Variants in KTN1 observed in about 807,000 individuals in gnomAD.
The protein encoded by KTN1 is kinectin.
In KTN1, 130 loss-of-function variants were observed where a neutral mutation model predicts 222.5. That is an observed-to-expected ratio of 0.58 (90% CI 0.51 to 0.68). KTN1 has a LOEUF of 0.68. Ranked by LOEUF, KTN1 falls within the 30% of genes least tolerant of loss-of-function variation. KTN1 has a pLI of 0.00. For missense variants in KTN1, 1,508 were observed against 1,500.4 expected (o/e 1.01, Z -0.08); for synonymous variants, 512 against 496.3 (o/e 1.03, Z -0.42).
Position 55,656,063 on chromosome 14 carries a change from A to G in KTN1, c.2823A>G (p.Glu941=), listed in dbSNP as rs1432922880. The change falls in exon 29 of 44, where the codon GAA becomes GAG. Residue 941 remains glutamate, a synonymous_variant. Coordinates refer to ENST00000395314, the MANE Select transcript of KTN1 (RefSeq NM_001079521.2). ...LEIVLKEKEN[E]LKRLEAMLKE... The stretch of plus-strand genomic sequence containing the variant: ...CTAGGTTGAAAGAAAAGGAAAATGA[A>G]TTGAAGAGGTTAGAAGCCATGCTAA... 2 of 1,605,620 alleles carry G rather than the reference A, an allele frequency of 1.2e-6. No homozygotes were observed. Among genetic ancestry groups the G allele is most frequent in the Admixed American group, 3.4e-5 (2 of 59,288 alleles).
chr14:55,636,072 T>G (rs1051939474), intron 9 of KTN1, among the ~76,000 whole-genome samples: 4 of 152,176 alleles, frequency 2.6e-5, no homozygotes, highest in Admixed American at 2.0e-4. Context: ...CTACTTAGAT[T>G]TAGCAATAAA....
chr14:55,620,789 A>C (rs2039033771), intron 5 of KTN1, among the ~76,000 whole-genome samples: 1 of 152,162 alleles, frequency 6.6e-6, no homozygotes, highest in African/African-American at 2.4e-5. Context: ...CCTTCTGCAA[A>C]GGTCTTTGAC....
At chr14:55,659,757 T>G in intron 31 of KTN1, 54 bp downstream of exon 31, 1 of 1,014,360 alleles carries the variant, frequency 9.9e-7, no homozygotes, top group Non-Finnish European at 1.5e-6. Flanking sequence ...TTTTATGTGG[T>G]AAACCATTCT....
At chr14:55,652,607 G>A (rs191527940) in intron 25 of KTN1, among the ~76,000 whole-genome samples, 1 of 152,102 alleles carries the variant, frequency 6.6e-6, no homozygotes, top group East Asian at 1.9e-4. Context: ...CACCGTGTTA[G>A]CCAGGATGGT....
intron 31 of KTN1, 136 bp downstream of exon 31, chr14:55,659,839 A>G: frequency 1.7e-6 from 1 of 582,814 alleles, no homozygotes; most frequent in East Asian, 2.8e-5. Flanking sequence ...CTTGAATTGC[A>G]GTTTAGAGTT....
intron 1 of KTN1, among the ~76,000 whole-genome samples, chr14:55,599,456 T>C (rs1231024794): frequency 6.6e-6 from 1 of 152,090 alleles, no homozygotes; most frequent in Non-Finnish European, 1.5e-5. Context: ...TTTGTGGCCA[T>C]TGAGCCATTT....
chr14:55,674,296 T>C (rs2141348996), intron 40 of KTN1: 1 of 152,220 alleles, frequency 6.6e-6, no homozygotes, highest in East Asian at 1.9e-4. Context: ...ATGCTTGCTC[T>C]GTATGTGTCC....
intron 33 of KTN1, among the ~76,000 whole-genome samples, chr14:55,665,539 A>G (rs2044634829): frequency 6.6e-6 from 1 of 152,116 alleles, no homozygotes; most frequent in Non-Finnish European, 1.5e-5. Context: ...ACCCAGTGCC[A>G]TAAATTATGT....
chr14:55,619,253 C>T lies in KTN1; in HGVS notation c.904C>T (p.Leu302Phe). The T allele has an allele frequency of 6.2e-7, 1 of 1,612,016 alleles. No individual in the cohort carries two copies. Among genetic ancestry groups the T allele is most frequent in the Non-Finnish European group, 8.5e-7 (1 of 1,178,386 alleles). ...TATGATGTTTTCTGAAGATGAGGCTCTTTGTGTTGTAGACTTGCTAAAGGA... is the reference window on the plus strand; with the variant it reads ...TATGATGTTTTCTGAAGATGAGGCTTTTTGTGTTGTAGACTTGCTAAAGGA... ...KTMMFSEDEA[L>F]CVVDLLKEKS... is the part of the protein sequence containing the mutation. The change falls in exon 5 of 44, where the codon CTT (leucine) becomes TTT (phenylalanine). Residue 302 changes from leucine (L) to phenylalanine (F), a missense_variant. Physicochemically the swap from Leu to Phe is conservative, Grantham distance 22 (BLOSUM62 0). Transcript: ENST00000395314.
intron 28 of KTN1, 108 bp from the exon 29 acceptor site, chr14:55,655,934 A>G (rs970263309): frequency 7.7e-5 from 43 of 561,828 alleles, no homozygotes; most frequent in African/African-American, 6.4e-4. Flanking sequence ...GGGGAAAAAA[A>G]GCTGGTATGT....
intron 1 of KTN1, among the ~76,000 whole-genome samples, chr14:55,588,042 T>C (rs1230900034): frequency 6.6e-6 from 1 of 152,192 alleles, no homozygotes; most frequent in African/African-American, 2.4e-5. Flanking sequence ...TTAGGGGCAC[T>C]AGCACCCTGT....
At chr14:55,582,190 C>T (rs1237113158) in intron 1 of KTN1, among the ~76,000 whole-genome samples, 1 of 152,154 alleles carries the variant, frequency 6.6e-6, no homozygotes, top group Non-Finnish European at 1.5e-5. Context: ...GATTCAGCGT[C>T]AGCATTATGA....
intron 31 of KTN1, 194 bp from the exon 32 acceptor site, chr14:55,661,326 CTT>C (rs2141224124): frequency 4.3e-6 from 2 of 460,952 alleles, no homozygotes; most frequent in Admixed American, 3.8e-5. Flanking sequence ...GGCATAAAAA[CTT>C]ATATTAGAAA....
intron 33 of KTN1, 70 bp downstream of exon 33, chr14:55,664,111 T>C (rs1397565743): frequency 1.0e-6 from 1 of 968,726 alleles, no homozygotes; most frequent in Non-Finnish European, 1.6e-6. Flanking sequence ...AAAATCAGAC[T>C]AAAGCATTTA....
At position 55,684,229 on chromosome 14, in the gene KTN1, T is replaced by C; in HGVS notation, c.*126T>C. On this transcript the variant is annotated 3_prime_UTR_variant, in exon 44 of 44. Coordinates refer to ENST00000395314, the MANE Select transcript of KTN1 (RefSeq NM_001079521.2). ...AAACACTGAACAGAGTTTTGTCTTT[T>C]CTAATCCTTGTTAGACTACTGATTT... 1.4e-6 allele frequency: 1 copy of C among 692,126 alleles called. No homozygotes were observed. The highest frequency in any genetic ancestry group is 2.9e-5 in the East Asian group (1 of 34,070). The allele number at this position is 692,126 out of a possible 1,614,324, so 42.9% of individuals were successfully genotyped here.
At chr14:55,600,753 T>C (rs2035855846) in intron 1 of KTN1, among the ~76,000 whole-genome samples, 1 of 152,228 alleles carries the variant, frequency 6.6e-6, no homozygotes, top group Non-Finnish European at 1.5e-5. Context: ...ACAGTTTTGA[T>C]GACATGTTCT....
intron 1 of KTN1, among the ~76,000 whole-genome samples, chr14:55,610,836 C>G (rs908865173): frequency 6.6e-6 from 1 of 152,210 alleles, no homozygotes; most frequent in South Asian, 2.1e-4. Flanking sequence ...CTACCCTTCA[C>G]GTAAGTGATA....
At chr14:55,605,315 C>T (rs965761494) in intron 1 of KTN1, among the ~76,000 whole-genome samples, 1 of 152,150 alleles carries the variant, frequency 6.6e-6, no homozygotes, top group Non-Finnish European at 1.5e-5. Context: ...ATTGCTCTGT[C>T]GCCCAGGCTG....
chr14:55,679,990 A>G (rs979554625), intron 43 of KTN1: 3 of 300,114 alleles, frequency 1.0e-5, no homozygotes, highest in African/African-American at 2.2e-5. Flanking sequence ...TCGTTAATTT[A>G]TTCTGTTCTT....
Sources: allele counts gnomAD v4.1 joint callset (sites outside exome capture counted in the v4.1 genomes callset), GRCh38; gene constraint gnomAD v4.1.1; transcripts MANE v1.5; gene names NCBI Gene and HGNC (gene_info 2026-07-23, HGNC 2026-07-21).